Variants in OSBPL10 observed in about 807,000 individuals in gnomAD.
The protein encoded by OSBPL10 is oxysterol binding protein like 10, also known as oxysterol-binding protein-related protein 10.
In OSBPL10, 49 loss-of-function variants were observed where a neutral mutation model predicts 81.7. That is an observed-to-expected ratio of 0.60 (90% CI 0.48 to 0.76). The LOEUF (loss-of-function observed/expected upper bound fraction) is 0.76. OSBPL10 is among the 30% of genes least tolerant of loss of function. OSBPL10 has a pLI of 0.00. For missense variants in OSBPL10, 923 were observed against 987.8 expected, an observed-to-expected ratio of 0.93 and a Z score of 0.88; for synonymous variants, 419 against 383.6, an observed-to-expected ratio of 1.09 and a Z score of -1.08.
chr3:31,675,945 CAAAAA>C (rs773575072), intron 8 of OSBPL10, among the ~76,000 whole-genome samples: 2 of 59,174 alleles, frequency 3.4e-5, no homozygotes, highest in Non-Finnish European at 3.8e-5. Flanking sequence ...GACTCCATCT[CAAAAA>C]AAAAAAAAAA....
At chr3:31,680,998 T>C (rs966091940) in intron 8 of OSBPL10, among the ~76,000 whole-genome samples, 3 of 129,928 alleles carry the variant, frequency 2.3e-5, no homozygotes, top group Admixed American at 7.4e-5. Flanking sequence ...ATACTCATTA[T>C]TGATGAGGTT....
At chr3:32,034,454 A>AAG (rs1245039024) in intron 2 of OSBPL10, among the ~76,000 whole-genome samples, 1 of 151,300 alleles carries the variant, frequency 6.6e-6, no homozygotes, top group Non-Finnish European at 1.5e-5. Context: ...AAAAAAAAAA[A>AAG]AAAAGATTTT....
chr3:32,031,106 A>C (rs1254211115), intron 2 of OSBPL10, among the ~76,000 whole-genome samples: 6 of 151,946 alleles, frequency 3.9e-5, no homozygotes, highest in East Asian at 3.9e-4. Flanking sequence ...CAGAGGTTGG[A>C]GTGAGCTGAG....
At chr3:31,928,541 G>A (rs745988041) in intron 1 of OSBPL10, among the ~76,000 whole-genome samples, 11 of 151,568 alleles carry the variant, frequency 7.3e-5, no homozygotes, top group East Asian at 3.9e-4. Flanking sequence ...TTGGGAGGCC[G>A]AGGCAGGCGG....
intron 4 of OSBPL10, among the ~76,000 whole-genome samples, chr3:31,802,450 CAG>C (rs1392206052): frequency 1.3e-5 from 2 of 148,548 alleles, no homozygotes; most frequent in Non-Finnish European, 3.0e-5. Flanking sequence ...CCTGTAATCC[CAG>C]GAACTTAGGA....
At chr3:31,745,957 A>G (rs17028180) in intron 5 of OSBPL10, among the ~76,000 whole-genome samples, 2,288 of 152,276 alleles carry the variant, frequency 0.015, 71 homozygotes, top group African/African-American at 0.052. Flanking sequence ...TTTACTTCCT[A>G]TCACCTAACT....
chr3:31,782,167 T>C (rs748639399), intron 4 of OSBPL10, among the ~76,000 whole-genome samples: 3 of 152,136 alleles, frequency 2.0e-5, no homozygotes, highest in South Asian at 2.1e-4. Context: ...CAACTCATCT[T>C]TGACAAAACA....
At chr3:31,700,192 T>G (rs1575484564) in intron 7 of OSBPL10, 1 of 152,218 alleles carries the variant, frequency 6.6e-6, no homozygotes, top group East Asian at 1.9e-4. Flanking sequence ...TTTCAGGTAC[T>G]CAACTGAGTA....
intron 4 of OSBPL10, among the ~76,000 whole-genome samples, chr3:31,823,170 C>G (rs960109281): frequency 6.6e-6 from 1 of 152,076 alleles, no homozygotes; most frequent in Non-Finnish European, 1.5e-5. Flanking sequence ...ACCTGACAAC[C>G]CTCAACCAAT....
rs142587699 is a variant in OSBPL10, at chr3:31,830,113, G to A, written c.656C>T (p.Thr219Met). 3.3e-5 allele frequency: 54 copies of A among 1,614,016 alleles called. No homozygotes were observed. The highest frequency in any genetic ancestry group is 2.4e-4 in the South Asian group (22 of 91,080). The change falls in exon 4 of 12, where the codon ACG becomes ATG. Residue 219 changes from threonine (T) to methionine (M), a missense_variant. Physicochemically the swap from Thr to Met is moderately conservative, Grantham distance 81. Transcript: ENST00000396556. ...SVGAPGVVTI[T>M]HHKSPAAARR... is the part of the protein sequence containing the mutation. ...GGCGGCTGCAGGCGACTTGTGATGC[G>A]TGATTGTGACAACACCGGGGGCCCC...
Position 31,957,113 on chromosome 3 carries a change from C to T in OSBPL10, c.281+23786G>A, listed in dbSNP as rs375265008. ...CTGTGCCACTGCACTCCAGCCTGGGCGACAGAGTGAGGCCCTGTCTCAAAA... is the reference window on the plus strand; with the variant it reads ...CTGTGCCACTGCACTCCAGCCTGGGTGACAGAGTGAGGCCCTGTCTCAAAA... On this transcript the variant is annotated intron_variant, in intron 1 of 11. Transcript: ENST00000396556. Among the ~76,000 whole-genome samples the T allele has an allele frequency of 2.4e-4, 37 of 151,990 alleles. No individual in the cohort carries two copies. In the East Asian group the frequency reaches 4.1e-3, roughly 17 times the overall value.
At chr3:31,734,827 A>T (rs1697100905) in intron 5 of OSBPL10, among the ~76,000 whole-genome samples, 1 of 152,246 alleles carries the variant, frequency 6.6e-6, no homozygotes, top group South Asian at 2.1e-4. Flanking sequence ...AAAAAAAGAA[A>T]AATTAGGCTA....
chr3:31,788,170 G>C (rs1181331234), intron 4 of OSBPL10, among the ~76,000 whole-genome samples: 1 of 152,146 alleles, frequency 6.6e-6, no homozygotes, highest in Non-Finnish European at 1.5e-5. Context: ...AGATTTCAGA[G>C]ATGTCAGCAA....
At chr3:31,695,557 C>T (rs1270565969) in intron 7 of OSBPL10, among the ~76,000 whole-genome samples, 1 of 152,186 alleles carries the variant, frequency 6.6e-6, no homozygotes, top group African/African-American at 2.4e-5. Flanking sequence ...CCACTCTCTC[C>T]CTCCATCCAG....
chr3:31,843,275 G>A lies in OSBPL10; in HGVS notation c.538-13044C>T, dbSNP rs181420617. ...TTGGGGCAGCCCTTGATCAATGGGA[G>A]ATGGGTGCCAGGAGATGATAATCCC... On this transcript the variant is annotated intron_variant, in intron 3 of 11. Coordinates refer to ENST00000396556, the MANE Select transcript of OSBPL10 (RefSeq NM_017784.5). Among the ~76,000 whole-genome samples the A allele has an allele frequency of 3.0e-3, 460 of 152,342 alleles. 1 individual carries two copies. Among genetic ancestry groups the A allele is most frequent in the Non-Finnish European group, 4.1e-3 (278 of 68,032 alleles).
intron 9 of OSBPL10, among the ~76,000 whole-genome samples, chr3:31,670,401 G>T (rs1366811447): frequency 6.6e-6 from 1 of 152,172 alleles, no homozygotes; most frequent in Non-Finnish European, 1.5e-5. Context: ...TGACCTCATG[G>T]ATGCATGACA....
chr3:31,917,772 T>C (rs995499666), intron 1 of OSBPL10, among the ~76,000 whole-genome samples: 1 of 150,932 alleles, frequency 6.6e-6, no homozygotes, highest in Admixed American at 6.7e-5. Context: ...GTAGGATTAC[T>C]GCACTAATTC....
chr3:31,855,133 C>T (rs1222023301), intron 3 of OSBPL10, among the ~76,000 whole-genome samples: 1 of 152,206 alleles, frequency 6.6e-6, no homozygotes, highest in Non-Finnish European at 1.5e-5. Flanking sequence ...TCAAGGTATC[C>T]TTCCACCTCG....
At chr3:31,702,288 A>G in intron 7 of OSBPL10, 71 bp downstream of exon 7, 1 of 1,536,930 alleles carries the variant, frequency 6.5e-7, no homozygotes, top group Non-Finnish European at 8.9e-7. Flanking sequence ...AAGAATGTGC[A>G]TAGAGAAGGC....
Sources: gnomAD v4.1 joint callset for allele counts (sites outside exome capture counted in the v4.1 genomes callset) on GRCh38, gnomAD v4.1.1 for gene constraint, MANE v1.5 for transcripts, NCBI Gene and HGNC (gene_info 2026-07-23, HGNC 2026-07-21) for gene names.